The following TLK2 variants were observed in gnomAD, a reference collection of about 807,000 sequenced individuals.
TLK2 encodes serine/threonine-protein kinase tousled-like 2.
TLK2 carries 6 observed loss-of-function variants against 117.3 expected under a neutral mutation model. That is an observed-to-expected ratio of 0.05 (90% CI 0.03 to 0.10). The LOEUF is 0.10. TLK2 is among the 10% of genes least tolerant of loss of function. TLK2 has a pLI of 1.00. For synonymous variants in TLK2, 257 were observed against 316.7 expected (o/e 0.81, Z 2.00); for missense variants, 299 against 901.2 (o/e 0.33, Z 8.56).
chr17:62,591,495 GGAGCCACA>G (rs1289123019), intron 16 of TLK2, among the ~76,000 whole-genome samples: 1 of 152,154 alleles, frequency 6.6e-6, no homozygotes, highest in Admixed American at 6.5e-5. Flanking sequence ...TCAGAGAGGT[GGAGCCACA>G]GAGCCACAGC....
At chr17:62,578,891 T>C (rs1383465748) in intron 14 of TLK2, among the ~76,000 whole-genome samples, 2 of 152,230 alleles carry the variant, frequency 1.3e-5, no homozygotes, top group Non-Finnish European at 2.9e-5. Flanking sequence ...CAGATTTTCC[T>C]ACAGAGCCTT....
intron 21 of TLK2, chr17:62,612,089 G>A (rs1161059728): frequency 4.9e-6 from 1 of 205,570 alleles, no homozygotes; most frequent in Non-Finnish European, 9.6e-6. Flanking sequence ...TTTTTTTTCT[G>A]TTGGTCTTAG....
At chr17:62,511,946 G>A (rs2075174758) in intron 2 of TLK2, among the ~76,000 whole-genome samples, 1 of 152,128 alleles carries the variant, frequency 6.6e-6, no homozygotes, top group African/African-American at 2.4e-5. Context: ...CAATTGCTGG[G>A]TCAAATGATA....
chr17:62,555,660 G>A (rs1313235353), intron 9 of TLK2, among the ~76,000 whole-genome samples: 1 of 151,606 alleles, frequency 6.6e-6, no homozygotes, highest in Non-Finnish European at 1.5e-5. Context: ...TTTTTGTATA[G>A]TAGAGACGGG....
intron 21 of TLK2, among the ~76,000 whole-genome samples, 166 bp downstream of exon 21, chr17:62,608,314 T>C (rs2083463118): frequency 6.6e-6 from 1 of 152,160 alleles, no homozygotes; most frequent in Non-Finnish European, 1.5e-5. Flanking sequence ...AGAAGAACAT[T>C]GCTTACACCC....
At chr17:62,544,434 C>T (rs1378287792) in intron 7 of TLK2, among the ~76,000 whole-genome samples, 1 of 152,172 alleles carries the variant, frequency 6.6e-6, no homozygotes, top group Non-Finnish European at 1.5e-5. Flanking sequence ...CGTGAGAACT[C>T]ACTCACTATC....
At chr17:62,499,281 C>T (rs2073984026) in intron 2 of TLK2, among the ~76,000 whole-genome samples, 3 of 151,668 alleles carry the variant, frequency 2.0e-5, no homozygotes, top group Admixed American at 2.0e-4. Context: ...GTGCAGTGAG[C>T]CGAGATTGAG....
At chr17:62,486,439 C>T (rs1182051073) in intron 2 of TLK2, among the ~76,000 whole-genome samples, 2 of 152,124 alleles carry the variant, frequency 1.3e-5, no homozygotes, top group Admixed American at 6.5e-5. Context: ...TGATGACAGG[C>T]GTGAGCCACC....
intron 2 of TLK2, among the ~76,000 whole-genome samples, chr17:62,507,137 G>A (rs550373298): frequency 1.1e-4 from 16 of 151,800 alleles, no homozygotes; most frequent in African/African-American, 1.9e-4. Context: ...GGCGGGGCGC[G>A]CTGAGTCACA....
At chr17:62,489,716 TA>T (rs2072902076) in intron 2 of TLK2, among the ~76,000 whole-genome samples, 1 of 152,250 alleles carries the variant, frequency 6.6e-6, no homozygotes, top group Non-Finnish European at 1.5e-5. Flanking sequence ...TATACTTCCT[TA>T]CCCTAGTTTC....
intron 2 of TLK2, among the ~76,000 whole-genome samples, chr17:62,500,336 A>G (rs1598233830): frequency 1.3e-5 from 2 of 152,282 alleles, no homozygotes; most frequent in South Asian, 2.1e-4. Flanking sequence ...AAAAAGCTAG[A>G]GTGATTTTTA....
intron 16 of TLK2, among the ~76,000 whole-genome samples, chr17:62,589,733 C>T (rs1315323040): frequency 6.6e-6 from 1 of 152,154 alleles, no homozygotes; most frequent in African/African-American, 2.4e-5. Context: ...GAGCGCTATA[C>T]ATTTATAGCA....
intron 16 of TLK2, 34 bp downstream of exon 16, chr17:62,586,260 T>C (rs778344319): frequency 2.1e-6 from 3 of 1,449,310 alleles, no homozygotes; most frequent in Non-Finnish European, 2.9e-6. Flanking sequence ...CTTTTTAAAA[T>C]TAAATAATAC....
chr17:62,532,705 A>G (rs959416184), intron 6 of TLK2, among the ~76,000 whole-genome samples: 11 of 152,340 alleles, frequency 7.2e-5, no homozygotes, highest in African/African-American at 2.4e-4. Context: ...GTATGTTTAT[A>G]TAATAGGTTT....
chr17:62,546,840 A>G (rs966985781), intron 7 of TLK2, among the ~76,000 whole-genome samples: 3 of 151,972 alleles, frequency 2.0e-5, no homozygotes, highest in African/African-American at 7.2e-5. Flanking sequence ...GATTACAGGC[A>G]TGAGACACCG....
intron 12 of TLK2, among the ~76,000 whole-genome samples, chr17:62,575,689 C>CTTTCT (rs377195829): frequency 1.6e-3 from 247 of 151,760 alleles, no homozygotes; most frequent in African/African-American, 5.1e-3. Flanking sequence ...CTCTCTCTCT[C>CTTTCT]TTTCTTTTCT....
At chr17:62,571,622 T>TG (rs2080298161) in intron 11 of TLK2, among the ~76,000 whole-genome samples, 1 of 152,240 alleles carries the variant, frequency 6.6e-6, no homozygotes, top group Non-Finnish European at 1.5e-5. Context: ...TGGCTCATCT[T>TG]GAAGCCAAGG....
intron 14 of TLK2, among the ~76,000 whole-genome samples, chr17:62,579,624 A>G (rs2146755063): frequency 6.6e-6 from 1 of 152,316 alleles, no homozygotes; most frequent in East Asian, 1.9e-4. Context: ...ACACAGTTAT[A>G]TCTGTCTTAA....
Position 62,510,091 on chromosome 17 carries a change from T to G in TLK2, c.82-10682T>G, listed in dbSNP as rs898724344. ...CCATTCGAGACCAGCCTGGGCAAAG[T>G]GGTGAAACCCCGTCTCTACATAAAC... On this transcript the variant is annotated intron_variant, in intron 2 of 21. Coordinates refer to ENST00000346027, the MANE Select transcript of TLK2 (RefSeq NM_006852.6). 1.3e-5 allele frequency among the ~76,000 whole-genome samples: 2 copies of G among 152,288 alleles called. 1 individual carries two copies.
Sources: gnomAD v4.1 joint callset for allele counts (sites outside exome capture counted in the v4.1 genomes callset) on GRCh38, gnomAD v4.1.1 for gene constraint, MANE v1.5 for transcripts, NCBI Gene and HGNC (gene_info 2026-07-23, HGNC 2026-07-21) for gene names.